Variants in FSTL5 observed in about 807,000 individuals in gnomAD.
FSTL5 encodes follistatin-related protein 5.
A neutral mutation model predicts 89.1 loss-of-function variants in FSTL5; 62 were observed. The ratio of observed to expected loss-of-function variants is 0.70; its 90% CI spans 0.57 to 0.86. FSTL5 has a LOEUF of 0.86. Ranked by LOEUF, FSTL5 falls within the 40% of genes least tolerant of loss-of-function variation. FSTL5 has a pLI of 0.00. For missense variants in FSTL5, 1,057 were observed against 1,001.6 expected, an observed-to-expected ratio of 1.06 and a Z score of -0.75; for synonymous variants, 383 against 346.2, an observed-to-expected ratio of 1.11 and a Z score of -1.18.
At chr4:161,983,464 G>T (rs1457373197) in intron 3 of FSTL5, among the ~76,000 whole-genome samples, 1 of 152,172 alleles carries the variant, frequency 6.6e-6, no homozygotes, top group Non-Finnish European at 1.5e-5. Context: ...CTGGCAGACA[G>T]CAAGAACAAC....
At chr4:161,759,612 C>A in intron 5 of FSTL5, 81 bp from the exon 6 acceptor site, 1 of 859,612 alleles carries the variant, frequency 1.2e-6, no homozygotes, top group Non-Finnish European at 1.6e-6. Context: ...GTAATAATCA[C>A]ATAATAGTTC....
At chr4:161,834,175 C>T (rs973529904) in intron 4 of FSTL5, among the ~76,000 whole-genome samples, 1 of 152,104 alleles carries the variant, frequency 6.6e-6, no homozygotes, top group African/African-American at 2.4e-5. Context: ...TATAATCCAG[C>T]ATATAAACAG....
Position 161,995,836 on chromosome 4 carries a change from T to C in FSTL5, c.160+37789A>G, listed in dbSNP as rs1047154373. ...GTCTAATGAAAACACACTGCTTCTC[T>C]GAGTTAACTAAGAGAACTCTCAGGG... On this transcript the variant is annotated intron_variant, in intron 3 of 15. Transcript: ENST00000306100. 9.9e-5 allele frequency among the ~76,000 whole-genome samples: 15 copies of C among 151,798 alleles called. 1 individual carries two copies. The highest frequency in any genetic ancestry group is 9.9e-4 in the Admixed American group (15 of 15,218).
chr4:161,467,011 A>C (rs1302983263), intron 13 of FSTL5, among the ~76,000 whole-genome samples: 1 of 152,146 alleles, frequency 6.6e-6, no homozygotes, highest in Non-Finnish European at 1.5e-5. Context: ...AAACATGCAA[A>C]AATCAGAAAT....
intron 4 of FSTL5, among the ~76,000 whole-genome samples, chr4:161,902,170 G>A (rs2110797382): frequency 6.6e-6 from 1 of 152,104 alleles, no homozygotes; most frequent in South Asian, 2.1e-4. Context: ...TTACTTTAAT[G>A]AAGACTGTAC....
chr4:162,163,437 G>GTAA (rs34283366), intron 1 of FSTL5, among the ~76,000 whole-genome samples, 178 bp downstream of exon 1: 7,378 of 140,642 alleles, frequency 0.052, 232 homozygotes, highest in South Asian at 0.12. Context: ...AGATTGTCTT[G>GTAA]TAATAATAAT....
chr4:161,575,847 G>T (rs772333724), intron 8 of FSTL5, among the ~76,000 whole-genome samples: 1 of 152,058 alleles, frequency 6.6e-6, no homozygotes, highest in Non-Finnish European at 1.5e-5. Context: ...ATAAATAAAG[G>T]GTATTCAAAT....
At chr4:161,921,310 T>C (rs1323202691) in intron 3 of FSTL5, among the ~76,000 whole-genome samples, 2 of 152,146 alleles carry the variant, frequency 1.3e-5, no homozygotes, top group Non-Finnish European at 2.9e-5. Context: ...CAACAAATCA[T>C]GAAGAATTAT....
intron 15 of FSTL5, among the ~76,000 whole-genome samples, chr4:161,415,104 A>C (rs6812526): frequency 0.015 from 2,340 of 152,308 alleles, 55 homozygotes; most frequent in African/African-American, 0.053. Context: ...CATTAAAATT[A>C]CAAAAATACA....
chr4:162,092,819 C>G (rs371351945), intron 2 of FSTL5, among the ~76,000 whole-genome samples: 15 of 151,232 alleles, frequency 9.9e-5, no homozygotes, highest in African/African-American at 3.6e-4. Context: ...CGTGGTGGTG[C>G]GCACCTGTTA....
At chr4:162,104,214 C>A (rs532670108) in intron 2 of FSTL5, among the ~76,000 whole-genome samples, 2 of 152,296 alleles carry the variant, frequency 1.3e-5, no homozygotes, top group Non-Finnish European at 2.9e-5. Context: ...TGTTCCTGCA[C>A]GGCTAAGTGC....
chr4:161,791,502 C>T (rs890852977), intron 4 of FSTL5, among the ~76,000 whole-genome samples: 1 of 152,188 alleles, frequency 6.6e-6, no homozygotes, highest in Non-Finnish European at 1.5e-5. Context: ...GTTACCACTA[C>T]TCAGATGTGC....
intron 3 of FSTL5, among the ~76,000 whole-genome samples, chr4:161,962,874 T>C (rs1340007607): frequency 2.6e-5 from 4 of 152,170 alleles, no homozygotes; most frequent in African/African-American, 7.2e-5. Flanking sequence ...ATTCATTTTG[T>C]AGATGAGGAA....
chr4:161,626,488 A>G (rs895540805), intron 7 of FSTL5, among the ~76,000 whole-genome samples: 4 of 152,160 alleles, frequency 2.6e-5, no homozygotes, highest in African/African-American at 9.7e-5. Flanking sequence ...AAAAAAATAA[A>G]AAACGATTCC....
chr4:161,689,634 A>AC (rs1737862803), intron 6 of FSTL5, among the ~76,000 whole-genome samples: 1 of 149,986 alleles, frequency 6.7e-6, no homozygotes, highest in African/African-American at 2.4e-5. Context: ...TTTAGAGGAC[A>AC]TTTTTTTACT....
At position 161,412,185 on chromosome 4, in the gene FSTL5, G is replaced by T. The variant is rs866469388; in HGVS notation, c.1842-25736C>A. On this transcript the variant is annotated intron_variant, in intron 15 of 15. Transcript: ENST00000306100. ...ACTAGAAGACTGCTGAAAGAAATCA[G>T]AGATGGCACAAATTAATAGAAATAC... is the stretch of plus-strand genomic sequence containing the variant. 1.6e-4 allele frequency among the ~76,000 whole-genome samples: 24 copies of T among 152,160 alleles called. 2 individuals carry two copies. In the Middle Eastern group the frequency reaches 0.017, roughly 108 times the overall value.
intron 6 of FSTL5, among the ~76,000 whole-genome samples, chr4:161,747,256 A>G (rs1740232735): frequency 6.6e-6 from 1 of 152,216 alleles, no homozygotes; most frequent in Admixed American, 6.5e-5. Context: ...CACAGCTGAT[A>G]AATTTTAAGC....
chr4:161,866,686 T>C (rs183321138), intron 4 of FSTL5, among the ~76,000 whole-genome samples: 3 of 152,082 alleles, frequency 2.0e-5, no homozygotes. Context: ...AATTATACTT[T>C]ATTCTGATTA....
intron 6 of FSTL5, among the ~76,000 whole-genome samples, chr4:161,749,432 A>G (rs1016022917): frequency 1.3e-5 from 2 of 152,198 alleles, no homozygotes; most frequent in African/African-American, 4.8e-5. Context: ...CTAACACAGA[A>G]GCAGAAAATC....
Sources: gnomAD v4.1 joint callset for allele counts (sites outside exome capture counted in the v4.1 genomes callset) on GRCh38, gnomAD v4.1.1 for gene constraint, MANE v1.5 for transcripts, NCBI Gene and HGNC (gene_info 2026-07-23, HGNC 2026-07-21) for gene names.